Variants in PTPRG observed in about 807,000 individuals in gnomAD.
The protein encoded by PTPRG is protein tyrosine phosphatase receptor type G.
A neutral mutation model predicts 165.3 loss-of-function variants in PTPRG; 102 were observed. The observed-to-expected ratio is 0.62, with a 90% CI of 0.53 to 0.73. The LOEUF (loss-of-function observed/expected upper bound fraction) is 0.73. PTPRG is among the 30% of genes least tolerant of loss of function. The pLI, the probability that PTPRG is intolerant of heterozygous loss-of-function variation, is 0.00. For missense variants in PTPRG, 1,866 were observed against 1,861.4 expected (o/e 1.00, Z -0.05); for synonymous variants, 675 against 669.5 (o/e 1.01, Z -0.13).
At chr3:61,658,935 G>A (rs549074360) in intron 1 of PTPRG, among the ~76,000 whole-genome samples, 9 of 152,324 alleles carry the variant, frequency 5.9e-5, no homozygotes, top group South Asian at 2.1e-4. Flanking sequence ...TCTGTGTTCA[G>A]ACCAGGAATG....
chr3:62,205,311 C>T (rs540148875), intron 12 of PTPRG, among the ~76,000 whole-genome samples: 4 of 152,172 alleles, frequency 2.6e-5, no homozygotes, highest in African/African-American at 9.6e-5. Context: ...CTAGGAATTA[C>T]TTTGAAAAAG....
intron 1 of PTPRG, among the ~76,000 whole-genome samples, chr3:61,732,901 G>A (rs370697886): frequency 1.9e-4 from 29 of 152,270 alleles, no homozygotes; most frequent in African/African-American, 4.6e-4. Flanking sequence ...AATTGTTTTC[G>A]CAGCAGTTAG....
At chr3:61,726,463 G>T (rs949421719) in intron 1 of PTPRG, among the ~76,000 whole-genome samples, 1 of 152,048 alleles carries the variant, frequency 6.6e-6, no homozygotes. Flanking sequence ...TTGTATAATG[G>T]AAATATACTG....
chr3:61,908,121 TAAAAA>T (rs1183592777), intron 2 of PTPRG, among the ~76,000 whole-genome samples: 2 of 67,152 alleles, frequency 3.0e-5, no homozygotes, highest in Non-Finnish European at 5.4e-5. Flanking sequence ...CACCTCTCTT[TAAAAA>T]AAAAAAAAAA....
chr3:61,606,257 C>T (rs554445150), intron 1 of PTPRG, among the ~76,000 whole-genome samples: 1 of 152,276 alleles, frequency 6.6e-6, no homozygotes, highest in African/African-American at 2.4e-5. Context: ...GAGGCCTCAG[C>T]TCCTGAAGGA....
intron 2 of PTPRG, among the ~76,000 whole-genome samples, chr3:61,829,929 A>G (rs570231974): frequency 6.6e-6 from 1 of 152,334 alleles, no homozygotes; most frequent in East Asian, 1.9e-4. Context: ...GTGTGGAACT[A>G]AAGACTACTT....
chr3:61,830,866 G>T (rs376370478), intron 2 of PTPRG, among the ~76,000 whole-genome samples: 9 of 152,318 alleles, frequency 5.9e-5, no homozygotes, highest in African/African-American at 4.8e-5. Context: ...GGGCCACTGC[G>T]CCCTGCCGAT....
At chr3:61,828,916 T>C (rs899382952) in intron 2 of PTPRG, among the ~76,000 whole-genome samples, 2 of 152,176 alleles carry the variant, frequency 1.3e-5, no homozygotes, top group Non-Finnish European at 2.9e-5. Context: ...GATATTTACC[T>C]ATATGACTGA....
At chr3:61,941,497 C>T (rs942922374) in intron 2 of PTPRG, among the ~76,000 whole-genome samples, 1 of 152,166 alleles carries the variant, frequency 6.6e-6, no homozygotes, top group African/African-American at 2.4e-5. Context: ...GCGGTGCATG[C>T]CTGTAGCCCC....
intron 2 of PTPRG, 106 bp from the exon 3 acceptor site, chr3:61,989,519 G>A (rs942369720): frequency 9.4e-7 from 1 of 1,058,890 alleles, no homozygotes; most frequent in African/African-American, 1.6e-5. Flanking sequence ...TCACCTCTTT[G>A]GATTGGGGAC....
chr3:62,245,665 TA>T lies in PTPRG; in HGVS notation c.2467+1769del, dbSNP rs997545921. 1.3e-5 allele frequency among the ~76,000 whole-genome samples: 2 copies of T among 152,108 alleles called. No individual in the cohort carries two copies. The highest frequency in any genetic ancestry group is 4.8e-5 in the African/African-American group (2 of 41,436). The stretch of plus-strand genomic sequence containing the variant: ...TGCCTATTCTCCTTGCCTTTTGAGG[TA>T]ACTGTCAAGACAACAGTAGATGATA... On this transcript the variant is annotated intron_variant, in intron 15 of 29. Transcript: ENST00000474889. The surrounding 1 kb of genome is among the most constrained non-coding windows in gnomAD (Gnocchi z 4.2).
chr3:62,101,441 A>G (rs1160157219), intron 5 of PTPRG, among the ~76,000 whole-genome samples: 3 of 152,208 alleles, frequency 2.0e-5, no homozygotes, highest in Non-Finnish European at 4.4e-5. Flanking sequence ...GTTCATTTCA[A>G]CTTAACTTTA....
intron 15 of PTPRG, among the ~76,000 whole-genome samples, chr3:62,251,768 C>T (rs1033858377): frequency 1.3e-5 from 2 of 152,126 alleles, no homozygotes; most frequent in Admixed American, 1.3e-4. Flanking sequence ...AACAGTGTAT[C>T]CTAGTACACA....
intron 1 of PTPRG, among the ~76,000 whole-genome samples, chr3:61,594,461 GAA>G (rs1449020781): frequency 6.6e-6 from 1 of 151,964 alleles, no homozygotes; most frequent in Admixed American, 6.6e-5. Flanking sequence ...AGTGCAAGCA[GAA>G]GAGAAGACAG....
chr3:62,197,374 G>A (rs1699991245), intron 10 of PTPRG, among the ~76,000 whole-genome samples: 1 of 152,100 alleles, frequency 6.6e-6, no homozygotes, highest in African/African-American at 2.4e-5. Flanking sequence ...ATCCCTTCTG[G>A]CTTGAACATT....
At chr3:61,616,182 C>A (rs1030118694) in intron 1 of PTPRG, among the ~76,000 whole-genome samples, 5 of 152,076 alleles carry the variant, frequency 3.3e-5, no homozygotes, top group African/African-American at 9.7e-5. Context: ...GAACTCCTGC[C>A]CTCAGGTCAT....
chr3:61,814,167 C>T (rs1407386712), intron 2 of PTPRG, among the ~76,000 whole-genome samples: 2 of 152,206 alleles, frequency 1.3e-5, no homozygotes, highest in African/African-American at 4.8e-5. Context: ...TCCCAAAGTG[C>T]TGGGATTACA....
At position 61,774,138 on chromosome 3, in the gene PTPRG, G is replaced by C. The variant is rs1051030349; in HGVS notation, c.190+25156G>C. Among the ~76,000 whole-genome samples, 19 of 152,118 alleles carry C rather than the reference G, an allele frequency of 1.2e-4. 1 individual carries two copies. Among genetic ancestry groups the C allele is most frequent in the Admixed American group, 1.2e-3 (19 of 15,262 alleles). ...GAGACTACAGTCCTTTCCCAAAGTT[G>C]ACCGCATAGAACACAGCAAAGCATG... On this transcript the variant is annotated intron_variant, in intron 2 of 29. Coordinates refer to ENST00000474889, the MANE Select transcript of PTPRG (RefSeq NM_002841.4).
chr3:62,140,796 G>A (rs1180852846), intron 6 of PTPRG, among the ~76,000 whole-genome samples: 1 of 145,740 alleles, frequency 6.9e-6, no homozygotes, highest in African/African-American at 2.6e-5. Context: ...GCAGTGAGCC[G>A]AGATTAAGCC....
Sources: allele counts gnomAD v4.1 joint callset (sites outside exome capture counted in the v4.1 genomes callset), GRCh38; gene constraint gnomAD v4.1.1; non-coding constraint Gnocchi (gnomAD v3.1); transcripts MANE v1.5; gene names NCBI Gene and HGNC (gene_info 2026-07-23, HGNC 2026-07-21).